The following ADGRL3 variants were observed in gnomAD, a reference collection of about 807,000 sequenced individuals.
The protein encoded by ADGRL3 is adhesion G protein-coupled receptor L3, also known as calcium-independent alpha-latrotoxin receptor 3.
A neutral mutation model predicts 153.5 loss-of-function variants in ADGRL3; 62 were observed. The observed-to-expected ratio is 0.40, with a 90% CI of 0.33 to 0.50. The LOEUF (loss-of-function observed/expected upper bound fraction) is 0.50, where lower values mean the gene tolerates loss of function less well. ADGRL3 is among the 20% of genes least tolerant of loss of function. The pLI is 0.47. For missense variants in ADGRL3, 1,641 were observed against 1,859.4 expected, an observed-to-expected ratio of 0.88 and a Z score of 2.16; for synonymous variants, 710 against 672.5, an observed-to-expected ratio of 1.06 and a Z score of -0.86.
At position 61,686,670 on chromosome 4, in the gene ADGRL3, C is replaced by T. The variant is rs540572116; in HGVS notation, c.583+9735C>T. Among the ~76,000 whole-genome samples, 5 of 152,142 alleles carry T rather than the reference C, an allele frequency of 3.3e-5. No homozygotes were observed. In the South Asian group the frequency reaches 1.0e-3, roughly 32 times the overall value. On this transcript the variant is annotated intron_variant, in intron 6 of 26. Transcript: ENST00000683033. The stretch of plus-strand genomic sequence containing the variant: ...TTCAAAATACTCTCTTCCATCTATT[C>T]TGAAATATATAACATGTTATTGTCA...
chr4:61,480,755 C>T (rs2098123789), intron 2 of ADGRL3, among the ~76,000 whole-genome samples: 1 of 151,906 alleles, frequency 6.6e-6, no homozygotes. Flanking sequence ...TGCACTCCAG[C>T]CTGGGTGACA....
chr4:61,726,049 C>T (rs956418602), intron 6 of ADGRL3, among the ~76,000 whole-genome samples: 2 of 151,796 alleles, frequency 1.3e-5, no homozygotes. Flanking sequence ...GCTAAGTATC[C>T]CTTATCCAAA....
At chr4:61,412,118 C>T (rs2097094929) in intron 2 of ADGRL3, among the ~76,000 whole-genome samples, 2 of 150,066 alleles carry the variant, frequency 1.3e-5, no homozygotes, top group African/African-American at 2.4e-5. Flanking sequence ...TTTTTGGAGA[C>T]TCTGTTGTCC....
At chr4:61,760,881 C>A (rs1034627818) in intron 8 of ADGRL3, among the ~76,000 whole-genome samples, 5 of 152,116 alleles carry the variant, frequency 3.3e-5, no homozygotes, top group Admixed American at 1.3e-4. Context: ...TGTGGGAGAC[C>A]AGAGTTTTAT....
chr4:61,465,988 A>G (rs1229741492), intron 2 of ADGRL3, among the ~76,000 whole-genome samples: 1 of 151,568 alleles, frequency 6.6e-6, no homozygotes, highest in South Asian at 2.1e-4. Flanking sequence ...TAGACGTGGC[A>G]GCATGTACTT....
intron 8 of ADGRL3, among the ~76,000 whole-genome samples, chr4:61,794,396 A>G (rs1053542646): frequency 2.6e-5 from 4 of 152,140 alleles, no homozygotes; most frequent in East Asian, 1.9e-4. Flanking sequence ...GATGTCTTTT[A>G]CTAATGTATT....
intron 2 of ADGRL3, among the ~76,000 whole-genome samples, chr4:61,481,409 G>A (rs571739627): frequency 1.3e-5 from 2 of 152,234 alleles, no homozygotes; most frequent in East Asian, 1.9e-4. Flanking sequence ...GACTCTAAAA[G>A]GCCGAAAAGA....
At chr4:61,318,371 G>C (rs1309635253) in intron 1 of ADGRL3, among the ~76,000 whole-genome samples, 1 of 151,988 alleles carries the variant, frequency 6.6e-6, no homozygotes, top group African/African-American at 2.4e-5. Flanking sequence ...CTCTGGATTT[G>C]CTGATGGGCC....
intron 17 of ADGRL3, among the ~76,000 whole-genome samples, chr4:61,975,503 A>G (rs769334932): frequency 1.3e-5 from 2 of 152,200 alleles, no homozygotes; most frequent in African/African-American, 2.4e-5. Flanking sequence ...TCTTAGGGCT[A>G]TCTAAGGCTT....
At chr4:61,792,746 C>T (rs1218579248) in intron 8 of ADGRL3, among the ~76,000 whole-genome samples, 1 of 151,940 alleles carries the variant, frequency 6.6e-6, no homozygotes, top group Non-Finnish European at 1.5e-5. Flanking sequence ...CCTCAGCCTC[C>T]CAAGGTGCTG....
At chr4:61,812,849 G>A (rs2097646362) in intron 8 of ADGRL3, among the ~76,000 whole-genome samples, 1 of 152,084 alleles carries the variant, frequency 6.6e-6, no homozygotes, top group African/African-American at 2.4e-5. Context: ...TGTTTTGCAA[G>A]GAAGACAGAA....
intron 2 of ADGRL3, among the ~76,000 whole-genome samples, chr4:61,402,438 A>G (rs1304261973): frequency 1.3e-5 from 2 of 152,150 alleles, no homozygotes; most frequent in African/African-American, 4.8e-5. Flanking sequence ...TTCAATAAGT[A>G]GCACTGTTTT....
In ADGRL3 at chr4:61,645,585, CT is replaced by C. The variant is rs560118957; in HGVS notation, c.474-31237del. Among the ~76,000 whole-genome samples the C allele has an allele frequency of 2.2e-4, 33 of 152,118 alleles. 1 individual carries two copies. Among genetic ancestry groups the C allele is most frequent in the Non-Finnish European group, 4.6e-4 (31 of 68,042 alleles). On this transcript the variant is annotated intron_variant, in intron 5 of 26. Coordinates refer to ENST00000683033, the MANE Select transcript of ADGRL3 (RefSeq NM_001387552.1). ...GATATGAAATTCTGGGTTGAAAATT[CT>C]TTTCTTTAACAATGTTGAATATTGT...
intron 9 of ADGRL3, among the ~76,000 whole-genome samples, chr4:61,830,898 A>T (rs2097860594): frequency 6.6e-6 from 1 of 151,914 alleles, no homozygotes; most frequent in Non-Finnish European, 1.5e-5. Context: ...TTATTTTATT[A>T]TTTTATTTTT....
intron 2 of ADGRL3, among the ~76,000 whole-genome samples, chr4:61,404,490 G>C (rs948034865): frequency 1.3e-5 from 2 of 152,066 alleles, no homozygotes. Flanking sequence ...AAAGTTACTT[G>C]GTTGAACTTC....
chr4:61,337,049 A>C (rs1279198583), intron 1 of ADGRL3, among the ~76,000 whole-genome samples: 1 of 97,344 alleles, frequency 1.0e-5, no homozygotes, highest in East Asian at 3.7e-4. Flanking sequence ...GGTGTGGATG[A>C]ATTGCCCTTT....
intron 8 of ADGRL3, among the ~76,000 whole-genome samples, chr4:61,803,729 A>T (rs1412954070): frequency 2.6e-5 from 4 of 152,156 alleles, no homozygotes; most frequent in Non-Finnish European, 5.9e-5. Flanking sequence ...AATATGGCAT[A>T]ACTATGAAAT....
At chr4:61,611,922 A>AAT (rs1018404240) in intron 5 of ADGRL3, among the ~76,000 whole-genome samples, 7 of 152,082 alleles carry the variant, frequency 4.6e-5, no homozygotes, top group East Asian at 1.9e-4. Context: ...GTGTCTAAAA[A>AAT]ATATATATAT....
chr4:61,736,250 GA>G (rs913187440), intron 8 of ADGRL3, among the ~76,000 whole-genome samples: 3 of 152,016 alleles, frequency 2.0e-5, no homozygotes, highest in Non-Finnish European at 4.4e-5. Context: ...TGAACATAAG[GA>G]AAATTATACC....
Sources: allele counts gnomAD v4.1 joint callset (sites outside exome capture counted in the v4.1 genomes callset), GRCh38; gene constraint gnomAD v4.1.1; transcripts MANE v1.5; gene names NCBI Gene and HGNC (gene_info 2026-07-23, HGNC 2026-07-21).